Variants in SKIL observed in about 807,000 individuals in gnomAD.
SKIL encodes the protein SKI like proto-oncogene.
Under a neutral mutation model 69.6 loss-of-function variants are expected in SKIL, and 20 were observed. That is an observed-to-expected ratio of 0.29 (90% CI 0.20 to 0.42). The LOEUF (loss-of-function observed/expected upper bound fraction) is 0.42. Ranked by LOEUF, SKIL falls within the 10% of genes least tolerant of loss-of-function variation. The probability of loss-of-function intolerance (pLI) is 1.00; values close to 1 mark genes in which losing one functional copy is unlikely to be tolerated. For missense variants in SKIL, 745 were observed against 783.1 expected (o/e 0.95, Z 0.58); for synonymous variants, 310 against 279.9 (o/e 1.11, Z -1.08).
chr3:170,382,417 T>A (rs79211050), intron 3 of SKIL, among the ~76,000 whole-genome samples: 133 of 70,160 alleles, frequency 1.9e-3, no homozygotes, highest in East Asian at 6.3e-3. Flanking sequence ...ACTTTGATTT[T>A]TTTTTTTTTT....
At chr3:170,361,452 T>A (rs75444427) in intron 2 of SKIL, 23 bp downstream of exon 2, 30,738 of 1,490,978 alleles carry the variant, frequency 0.021, 486 homozygotes, top group East Asian at 0.079. Flanking sequence ...TATCAATTTT[T>A]AATAATGGTA....
intron 3 of SKIL, among the ~76,000 whole-genome samples, chr3:170,382,579 T>G (rs1560217528): frequency 6.6e-6 from 1 of 151,724 alleles, no homozygotes; most frequent in Non-Finnish European, 1.5e-5. Context: ...CCTGGCTAAT[T>G]TTTTTGTATT....
At chr3:170,382,709 G>A (rs999403791) in intron 3 of SKIL, among the ~76,000 whole-genome samples, 7 of 134,962 alleles carry the variant, frequency 5.2e-5, no homozygotes, top group East Asian at 2.2e-4. Flanking sequence ...GCCCCGAGCC[G>A]CAACTTCAAT....
rs530845446 is a variant in SKIL, at chr3:170,360,178, C to T, written c.-154C>T. 7.1e-6 allele frequency: 5 copies of T among 701,886 alleles called. No homozygotes were observed. The highest frequency in any genetic ancestry group is 3.6e-5 in the African/African-American group (2 of 55,692). The allele number at this position is 701,886 out of a possible 1,614,324, so 43.5% of individuals were successfully genotyped here. On this transcript the variant is annotated 5_prime_UTR_variant, in exon 2 of 7. Transcript: ENST00000259119. ...ATTATAAGGAGAACCAAAACTAAGT[C>T]GCAAAATTTATTAATTTAAGGGGCT...
intron 2 of SKIL, among the ~76,000 whole-genome samples, chr3:170,379,077 G>A (rs7644374): frequency 0.84 from 116,260 of 137,684 alleles, 49,450 homozygotes; most frequent in East Asian, 0.94. Context: ...GGGTTTCGCT[G>A]TGTTGGCCAG....
intron 4 of SKIL, among the ~76,000 whole-genome samples, chr3:170,387,968 G>GCTATAAAT (rs1321689712): frequency 1.4e-5 from 2 of 146,738 alleles, no homozygotes; most frequent in African/African-American, 5.0e-5. Context: ...GAATAATGCT[G>GCTATAAAT]CTATAAATAC....
At chr3:170,383,189 C>G (rs979584451) in intron 3 of SKIL, among the ~76,000 whole-genome samples, 1 of 152,114 alleles carries the variant, frequency 6.6e-6, no homozygotes, top group Non-Finnish European at 1.5e-5. Context: ...TGTATTCCCT[C>G]CAAGTATGGT....
At chr3:170,375,143 A>C (rs917257107) in intron 2 of SKIL, among the ~76,000 whole-genome samples, 2 of 152,222 alleles carry the variant, frequency 1.3e-5, no homozygotes, top group African/African-American at 4.8e-5. Context: ...GCCACTTAAC[A>C]GGGATTTTAA....
chr3:170,368,340 AT>A (rs1411051514), intron 2 of SKIL, among the ~76,000 whole-genome samples: 1 of 151,000 alleles, frequency 6.6e-6, no homozygotes, highest in Non-Finnish European at 1.5e-5. Flanking sequence ...TTTACAGAGT[AT>A]TTTTTCTATT....
At chr3:170,386,939 A>T (rs1343762340) in intron 4 of SKIL, among the ~76,000 whole-genome samples, 1 of 152,222 alleles carries the variant, frequency 6.6e-6, no homozygotes, top group African/African-American at 2.4e-5. Flanking sequence ...ACCCTTTTAA[A>T]GCCTACAATT....
At position 170,394,132 on chromosome 3, in the gene SKIL, T is replaced by G. The variant is rs1232376081; in HGVS notation, c.*1715T>G. ...AGAAACAAATTTTTTTTTTTTTTTTTTTTTTTTTTTTTTTGAGACAGAGTC... is the reference window on the plus strand; with the variant it reads ...AGAAACAAATTTTTTTTTTTTTTTTGTTTTTTTTTTTTTTGAGACAGAGTC... On this transcript the variant is annotated 3_prime_UTR_variant, in exon 7 of 7. Coordinates refer to ENST00000259119, the MANE Select transcript of SKIL (RefSeq NM_005414.5). 8.2e-6 allele frequency: 1 copy of G among 121,968 alleles called. No homozygotes were observed. The highest frequency in any genetic ancestry group is 1.7e-5 in the Non-Finnish European group (1 of 58,616). The allele number at this position is 121,968 out of a possible 1,614,324, so 7.6% of individuals were successfully genotyped here. A position where few individuals can be genotyped will look rare whatever the true frequency, so the allele number is the denominator to read the frequency against.
intron 1 of SKIL, among the ~76,000 whole-genome samples, chr3:170,359,140 A>G (rs1233874865): frequency 6.6e-6 from 1 of 152,216 alleles, no homozygotes; most frequent in Non-Finnish European, 1.5e-5. Flanking sequence ...AAGAGTCTTC[A>G]TATTCTGAAC....
intron 2 of SKIL, among the ~76,000 whole-genome samples, chr3:170,362,384 T>G (rs1736286321): frequency 6.6e-6 from 1 of 151,750 alleles, no homozygotes; most frequent in Non-Finnish European, 1.5e-5. Flanking sequence ...ACACTTGTAA[T>G]CCCAGCTACT....
At chr3:170,376,542 A>G (rs1737043276) in intron 2 of SKIL, among the ~76,000 whole-genome samples, 2 of 152,322 alleles carry the variant, frequency 1.3e-5, no homozygotes, top group Non-Finnish European at 2.9e-5. Flanking sequence ...AGTGGTATAC[A>G]GAACATAATT....
chr3:170,372,936 A>G (rs1736859122), intron 2 of SKIL, among the ~76,000 whole-genome samples: 1 of 152,074 alleles, frequency 6.6e-6, no homozygotes, highest in African/African-American at 2.4e-5. Flanking sequence ...TTAAAAATTA[A>G]TCTTTATCAC....
At chr3:170,373,794 G>T (rs1187490793) in intron 2 of SKIL, among the ~76,000 whole-genome samples, 3 of 152,134 alleles carry the variant, frequency 2.0e-5, no homozygotes, top group Admixed American at 2.0e-4. Context: ...TGGAGGCTGA[G>T]GCACGAGGAT....
rs1269202224 is a variant in SKIL, at chr3:170,392,866, A to G, written c.*449A>G. The G allele has an allele frequency of 2.0e-5, 3 of 152,496 alleles. No individual in the cohort carries two copies. Among genetic ancestry groups the G allele is most frequent in the African/African-American group, 4.8e-5 (2 of 41,456 alleles). 9.4% of individuals were successfully genotyped at this position (152,496 alleles called of 1,614,324 possible). ...TTGAATCTCCCCTTTTCTCATTAAC[A>G]CAATTTTTCTAAGTTGATATGGTGT... is the stretch of plus-strand genomic sequence containing the variant. On this transcript the variant is annotated 3_prime_UTR_variant, in exon 7 of 7. Transcript: ENST00000259119.
Position 170,396,759 on chromosome 3 carries a change from T to C in SKIL, c.*4342T>C, listed in dbSNP as rs778547883. On this transcript the variant is annotated 3_prime_UTR_variant, in exon 7 of 7. Transcript: ENST00000259119. ...ACCTCAATTGTATTTTGTGCTGTTT[T>C]CCATTTTCATGCCTTGTAAATAACT... The C allele has an allele frequency of 6.6e-6, 1 of 152,240 alleles. No homozygotes were observed. The highest frequency in any genetic ancestry group is 1.5e-5 in the Non-Finnish European group (1 of 68,040). 9.4% of individuals were successfully genotyped at this position (152,240 alleles called of 1,614,324 possible).
At chr3:170,358,908 C>G (rs1321545450) in intron 1 of SKIL, among the ~76,000 whole-genome samples, 1 of 152,118 alleles carries the variant, frequency 6.6e-6, no homozygotes, top group African/African-American at 2.4e-5. Flanking sequence ...TAATTTTTGC[C>G]TGCAGTCATT....
Sources: allele counts gnomAD v4.1 joint callset (sites outside exome capture counted in the v4.1 genomes callset), GRCh38; gene constraint gnomAD v4.1.1; transcripts MANE v1.5; gene names NCBI Gene and HGNC (gene_info 2026-07-23, HGNC 2026-07-21).